Variants in RAPGEF4 observed in about 807,000 individuals in gnomAD.
RAPGEF4 encodes the protein Rap guanine nucleotide exchange factor 4, also known as RAP guanine-nucleotide-exchange factor (GEF) 4.
Under a neutral mutation model 147.9 loss-of-function variants are expected in RAPGEF4, and 66 were observed. The observed-to-expected ratio is 0.45, with a 90% CI of 0.37 to 0.55. The LOEUF (loss-of-function observed/expected upper bound fraction) is 0.55, where lower values mean the gene tolerates loss of function less well. RAPGEF4 is among the 20% of genes least tolerant of loss of function. The pLI, the probability that RAPGEF4 is intolerant of heterozygous loss-of-function variation, is 0.00. For synonymous variants in RAPGEF4, 419 were observed against 442.7 expected (o/e 0.95, Z 0.67); for missense variants, 1,071 against 1,257.3 (o/e 0.85, Z 2.24).
intron 4 of RAPGEF4, among the ~76,000 whole-genome samples, chr2:172,833,222 C>G (rs1354485453): frequency 6.8e-6 from 1 of 147,106 alleles, no homozygotes; most frequent in African/African-American, 2.5e-5. Context: ...AAAAAAAATC[C>G]AAAAAAGGTA....
At chr2:172,968,254 C>A (rs755732878) in intron 10 of RAPGEF4, among the ~76,000 whole-genome samples, 5 of 152,170 alleles carry the variant, frequency 3.3e-5, no homozygotes, top group Non-Finnish European at 5.9e-5. Flanking sequence ...AATGAAGACG[C>A]CCTCTGCCCC....
intron 6 of RAPGEF4, among the ~76,000 whole-genome samples, chr2:172,955,714 G>A (rs1483714204): frequency 2.0e-5 from 3 of 152,162 alleles, no homozygotes; most frequent in East Asian, 1.9e-4. Flanking sequence ...GAAGCAAACC[G>A]AGCAGGCCAA....
chr2:172,894,530 G>C (rs562301104), intron 4 of RAPGEF4: 1 of 152,176 alleles, frequency 6.6e-6, no homozygotes, highest in Non-Finnish European at 1.5e-5. Flanking sequence ...GATTTAGTGG[G>C]AGAGAGTAGA....
In RAPGEF4 at chr2:172,736,055, C is replaced by CG. The variant is rs34574292; in HGVS notation, c.65+8dup. The CG allele has an allele frequency of 1, 1,468,087 of 1,468,364 alleles. 733,905 individuals carry two copies. Among genetic ancestry groups the CG allele is most frequent in the African/African-American group, 1 (67,781 of 67,790 alleles). 91.0% of individuals were successfully genotyped at this position (1,468,364 alleles called of 1,614,324 possible). On this transcript the variant is annotated splice_region_variant and intron_variant, in intron 1 of 30. Coordinates refer to ENST00000397081, the MANE Select transcript of RAPGEF4 (RefSeq NM_007023.4). ...TCGCCTGCCTGGATAAAAGGTAGCT[C>CG]GCCGGGGGCCGCAGCCGGGGGCCGA...
chr2:172,928,013 A>C (rs937527394), intron 6 of RAPGEF4: 1 of 220,098 alleles, frequency 4.5e-6, no homozygotes, highest in African/African-American at 2.3e-5. Flanking sequence ...TTATCACCCA[A>C]ATGAAGATTA....
chr2:173,035,438 G>C (rs1387890339), intron 27 of RAPGEF4, among the ~76,000 whole-genome samples: 3 of 151,406 alleles, frequency 2.0e-5, no homozygotes, highest in Non-Finnish European at 4.4e-5. Flanking sequence ...GTGAACTCGG[G>C]AGGCAGAGCT....
intron 4 of RAPGEF4, among the ~76,000 whole-genome samples, chr2:172,902,175 C>T (rs552286847): frequency 3.9e-5 from 6 of 151,908 alleles, no homozygotes; most frequent in African/African-American, 9.7e-5. Flanking sequence ...ATAGGGGAGG[C>T]GAGTGGGGGC....
intron 4 of RAPGEF4, among the ~76,000 whole-genome samples, chr2:172,843,594 T>C (rs1691852317): frequency 6.6e-6 from 1 of 152,230 alleles, no homozygotes; most frequent in Non-Finnish European, 1.5e-5. Flanking sequence ...TTTCAAAAGA[T>C]GAAAAGTTCT....
chr2:172,994,119 G>A (rs999928571), intron 15 of RAPGEF4, among the ~76,000 whole-genome samples: 9 of 152,150 alleles, frequency 5.9e-5, no homozygotes, highest in South Asian at 2.1e-4. Flanking sequence ...TGAGTCACAC[G>A]GCTAGCTATA....
chr2:172,805,725 G>T (rs1196750671), intron 3 of RAPGEF4, among the ~76,000 whole-genome samples: 1 of 152,038 alleles, frequency 6.6e-6, no homozygotes, highest in Non-Finnish European at 1.5e-5. Flanking sequence ...TCAGTCTCTT[G>T]CCTGAGCCTA....
chr2:172,831,136 A>G lies in RAPGEF4; in HGVS notation c.444+16711A>G, dbSNP rs141506384. 8.7e-4 allele frequency among the ~76,000 whole-genome samples: 133 copies of G among 152,226 alleles called. 1 individual carries two copies. The highest frequency in any genetic ancestry group is 6.8e-3 in the Middle Eastern group (2 of 294). ...AAATTGACTCTAACATACCTACCAG[A>G]GTTTTCATTTACTTGTTCCATTTAT... On this transcript the variant is annotated intron_variant, in intron 4 of 30. Transcript: ENST00000397081.
At chr2:172,838,204 T>A (rs1057493401) in intron 4 of RAPGEF4, among the ~76,000 whole-genome samples, 4 of 152,060 alleles carry the variant, frequency 2.6e-5, no homozygotes, top group Non-Finnish European at 4.4e-5. Context: ...CCCTTTGATA[T>A]CCTAAAAAAT....
intron 4 of RAPGEF4, among the ~76,000 whole-genome samples, chr2:172,849,852 A>C (rs1692614454): frequency 6.6e-6 from 1 of 152,206 alleles, no homozygotes; most frequent in South Asian, 2.1e-4. Flanking sequence ...ATTCTTACTA[A>C]AATGCTGTGC....
At chr2:172,841,212 AAGTG>A (rs1309355967) in intron 4 of RAPGEF4, among the ~76,000 whole-genome samples, 1 of 152,156 alleles carries the variant, frequency 6.6e-6, no homozygotes, top group Non-Finnish European at 1.5e-5. Context: ...CCACTCCAAG[AAGTG>A]AGTGAGTTCT....
At chr2:172,967,645 A>G (rs1199094489) in intron 10 of RAPGEF4, among the ~76,000 whole-genome samples, 1 of 152,188 alleles carries the variant, frequency 6.6e-6, no homozygotes, top group Non-Finnish European at 1.5e-5. Context: ...TCCATTTTCC[A>G]TTTGCATGAG....
chr2:172,828,844 C>T (rs1689977726), intron 4 of RAPGEF4, among the ~76,000 whole-genome samples: 1 of 152,210 alleles, frequency 6.6e-6, no homozygotes, highest in African/African-American at 2.4e-5. Flanking sequence ...CCCGTTCACA[C>T]ATTTGTTACC....
intron 10 of RAPGEF4, among the ~76,000 whole-genome samples, chr2:172,975,062 C>T (rs1033926374): frequency 2.6e-5 from 4 of 152,034 alleles, no homozygotes; most frequent in South Asian, 2.1e-4. Context: ...ACAGGATGCC[C>T]GGTTAAATTG....
intron 11 of RAPGEF4, 33 bp from the exon 12 acceptor site, chr2:172,985,400 G>T (rs1188254416): frequency 1.2e-6 from 2 of 1,613,802 alleles, no homozygotes; most frequent in Admixed American, 3.3e-5. Context: ...CTGGAAATGT[G>T]GCCTTTGCAT....
Position 172,768,146 on chromosome 2 carries a change from T to G in RAPGEF4, c.66-26879T>G, listed in dbSNP as rs139615852. Among the ~76,000 whole-genome samples the G allele has an allele frequency of 9.4e-3, 1,433 of 152,232 alleles. 6 individuals carry two copies. The highest frequency in any genetic ancestry group is 0.015 in the Non-Finnish European group (1,031 of 68,002). ...TTTTGATGCGTGACTTTTTATTGAC[T>G]GGGACAAAATGTATACACTGCTTGT... On this transcript the variant is annotated intron_variant, in intron 1 of 30. Transcript: ENST00000397081.
Sources: gnomAD v4.1 joint callset for allele counts (sites outside exome capture counted in the v4.1 genomes callset) on GRCh38, gnomAD v4.1.1 for gene constraint, MANE v1.5 for transcripts, NCBI Gene and HGNC (gene_info 2026-07-23, HGNC 2026-07-21) for gene names.